BBOX1: variants seen among roughly 807,000 people sequenced by gnomAD.
The protein encoded by BBOX1 is gamma-butyrobetaine dioxygenase.
BBOX1 carries 35 observed loss-of-function variants against 41.6 expected under a neutral mutation model. The ratio of observed to expected loss-of-function variants is 0.84; its 90% CI spans 0.64 to 1.11. The LOEUF (loss-of-function observed/expected upper bound fraction) is 1.11, where lower values mean the gene tolerates loss of function less well. BBOX1 is among the 50% of genes most tolerant of loss of function. The pLI is 0.00. For missense variants in BBOX1, 458 were observed against 460.6 expected (o/e 0.99, Z 0.05); for synonymous variants, 163 against 154.7 (o/e 1.05, Z -0.40).
At chr11:27,101,909 T>G (rs190827307) in intron 5 of BBOX1, among the ~76,000 whole-genome samples, 1 of 152,126 alleles carries the variant, frequency 6.6e-6, no homozygotes, top group Non-Finnish European at 1.5e-5. Context: ...TTATCAACTA[T>G]TGTCACCATG....
At chr11:27,093,463 T>G (rs1013732731) in intron 5 of BBOX1, 97 bp downstream of exon 5, 36 of 1,238,272 alleles carry the variant, frequency 2.9e-5, no homozygotes, top group Non-Finnish European at 4.0e-5. Flanking sequence ...ACAGAAATTC[T>G]CATAATGTCT....
At chr11:27,053,620 T>C (rs1856882119) in intron 2 of BBOX1, among the ~76,000 whole-genome samples, 1 of 152,174 alleles carries the variant, frequency 6.6e-6, no homozygotes, top group African/African-American at 2.4e-5. Context: ...TGGAGCCATC[T>C]TTGTCTTTTG....
chr11:27,043,012 G>A (rs1851380624), intron 2 of BBOX1, among the ~76,000 whole-genome samples: 2 of 152,028 alleles, frequency 1.3e-5, no homozygotes, highest in Non-Finnish European at 2.9e-5. Context: ...AGATGGTGAG[G>A]TTAATTAACA....
Position 27,040,862 on chromosome 11 carries a change from G to A in BBOX1, c.-468G>A, listed in dbSNP as rs1335622448. ...AGTAGATACCACTTCACCTCTGCTA[G>A]GGTGAGCGCTGGTAGCTCCTCCCTG... On this transcript the variant is annotated 5_prime_UTR_variant, in exon 1 of 9. Transcript: ENST00000263182. The A allele has an allele frequency of 6.6e-6, 1 of 152,202 alleles. No homozygotes were observed. Among genetic ancestry groups the A allele is most frequent in the Non-Finnish European group, 1.5e-5 (1 of 68,072 alleles). 9.4% of individuals were successfully genotyped at this position (152,202 alleles called of 1,614,324 possible).
At chr11:27,106,830 G>T (rs1590217395) in intron 5 of BBOX1, among the ~76,000 whole-genome samples, 1 of 151,940 alleles carries the variant, frequency 6.6e-6, no homozygotes, top group African/African-American at 2.4e-5. Context: ...TTAACCACAT[G>T]GTTGGAAGTA....
intron 4 of BBOX1, among the ~76,000 whole-genome samples, chr11:27,068,523 TTACTC>T (rs1857355940): frequency 6.6e-6 from 1 of 152,096 alleles, no homozygotes; most frequent in Non-Finnish European, 1.5e-5. Context: ...TGTGGGTTGT[TTACTC>T]TGGTAATTTT....
At chr11:27,063,250 A>T (rs961268455) in intron 4 of BBOX1, among the ~76,000 whole-genome samples, 2 of 152,166 alleles carry the variant, frequency 1.3e-5, no homozygotes, top group Admixed American at 6.5e-5. Flanking sequence ...AAAATGGAAG[A>T]CTTTAAATCA....
chr11:27,083,021 C>T (rs2134019593), intron 4 of BBOX1, among the ~76,000 whole-genome samples: 1 of 152,176 alleles, frequency 6.6e-6, no homozygotes, highest in Admixed American at 6.5e-5. Flanking sequence ...TGTGTCTCTC[C>T]TTTCAAGCAG....
chr11:27,072,945 T>C (rs978988910), intron 4 of BBOX1, among the ~76,000 whole-genome samples: 23 of 152,280 alleles, frequency 1.5e-4, no homozygotes, highest in African/African-American at 5.5e-4. Flanking sequence ...ATGTTAGACC[T>C]AAAACCATAT....
chr11:27,122,917 A>C (rs12786889), intron 7 of BBOX1, among the ~76,000 whole-genome samples: 16,750 of 152,058 alleles, frequency 0.11, 1,237 homozygotes, highest in East Asian at 0.28. Context: ...AGTTACTCCC[A>C]TCTTTTGTGG....
chr11:27,077,737 C>T (rs866102239), intron 4 of BBOX1, among the ~76,000 whole-genome samples: 7 of 151,782 alleles, frequency 4.6e-5, no homozygotes, highest in African/African-American at 1.4e-4. Context: ...CATTGGCTTT[C>T]GATTTTATTG....
intron 5 of BBOX1, among the ~76,000 whole-genome samples, chr11:27,108,858 T>G (rs1481967252): frequency 6.6e-6 from 1 of 151,956 alleles, no homozygotes. Flanking sequence ...TGAGAAGAGA[T>G]TATAGATTGT....
At chr11:27,117,068 A>G (rs1252034358) in intron 6 of BBOX1, among the ~76,000 whole-genome samples, 1 of 152,080 alleles carries the variant, frequency 6.6e-6, no homozygotes, top group African/African-American at 2.4e-5. Context: ...TTACAAAATC[A>G]TCATTTTATT....
chr11:27,058,922 T>A (rs931073130), intron 4 of BBOX1, among the ~76,000 whole-genome samples: 1 of 152,136 alleles, frequency 6.6e-6, no homozygotes, highest in South Asian at 2.1e-4. Context: ...AAAAAGCTTT[T>A]TTGGGAGAGG....
chr11:27,105,919 A>G (rs1177744215), intron 5 of BBOX1, among the ~76,000 whole-genome samples: 3 of 152,198 alleles, frequency 2.0e-5, no homozygotes, highest in Admixed American at 1.3e-4. Context: ...AAGCCAGAAG[A>G]GAGTGGGGGC....
At chr11:27,115,627 G>A (rs763838468) in intron 6 of BBOX1, 70 bp downstream of exon 6, 328 of 1,352,526 alleles carry the variant, frequency 2.4e-4, no homozygotes, top group Non-Finnish European at 3.3e-4. Context: ...TTTGAGTCTA[G>A]AAGATTACAC....
At chr11:27,075,111 T>C (rs1421700076) in intron 4 of BBOX1, among the ~76,000 whole-genome samples, 2 of 152,238 alleles carry the variant, frequency 1.3e-5, no homozygotes, top group African/African-American at 2.4e-5. Context: ...CTTTTAATTA[T>C]TGTTGACTTC....
At chr11:27,061,013 A>T (rs557075650) in intron 4 of BBOX1, among the ~76,000 whole-genome samples, 23 of 152,264 alleles carry the variant, frequency 1.5e-4, no homozygotes, top group Non-Finnish European at 2.2e-4. Context: ...GTATTTTTTT[A>T]AATTTATTTT....
intron 5 of BBOX1, among the ~76,000 whole-genome samples, chr11:27,095,519 G>A (rs1353111777): frequency 6.6e-6 from 1 of 151,790 alleles, no homozygotes; most frequent in Non-Finnish European, 1.5e-5. Flanking sequence ...TCCCTTATGG[G>A]CCTTGCCACC....
Sources: allele counts gnomAD v4.1 joint callset (sites outside exome capture counted in the v4.1 genomes callset), GRCh38; gene constraint gnomAD v4.1.1; transcripts MANE v1.5; gene names NCBI Gene and HGNC (gene_info 2026-07-23, HGNC 2026-07-21).